Variants in ABCA13 observed in about 807,000 individuals in gnomAD.
ABCA13 encodes the protein ATP-binding cassette sub-family A member 13.
A neutral mutation model predicts 478.7 loss-of-function variants in ABCA13; 476 were observed. The ratio of observed to expected loss-of-function variants is 0.99; its 90% CI spans 0.92 to 1.07. The LOEUF is 1.07. Ranked by LOEUF, ABCA13 falls within the 50% of genes least tolerant of loss-of-function variation. The pLI, the probability that ABCA13 is intolerant of heterozygous loss-of-function variation, is 0.00. For synonymous variants in ABCA13, 2,252 were observed against 2,158.9 expected (o/e 1.04, Z -1.20); for missense variants, 6,060 against 5,910.6 (o/e 1.03, Z -0.83).
At chr7:48,533,437 T>C (rs1294102026) in intron 55 of ABCA13, among the ~76,000 whole-genome samples, 4 of 152,130 alleles carry the variant, frequency 2.6e-5, no homozygotes, top group Non-Finnish European at 5.9e-5. Context: ...TCTTGGAGAA[T>C]GTTCCATGTG....
At chr7:48,437,230 T>G (rs1822967938) in intron 42 of ABCA13, among the ~76,000 whole-genome samples, 1 of 152,042 alleles carries the variant, frequency 6.6e-6, no homozygotes, top group Non-Finnish European at 1.5e-5. Context: ...AATTGGTACG[T>G]CTTCTTAGTG....
At chr7:48,492,383 G>A (rs1829917120) in intron 48 of ABCA13, among the ~76,000 whole-genome samples, 1 of 152,308 alleles carries the variant, frequency 6.6e-6, no homozygotes, top group East Asian at 1.9e-4. Context: ...CCTGCAGGAT[G>A]AGTTAGTGGC....
intron 3 of ABCA13, among the ~76,000 whole-genome samples, chr7:48,212,867 A>C (rs897927471): frequency 1.3e-5 from 2 of 152,152 alleles, no homozygotes; most frequent in Admixed American, 6.5e-5. Flanking sequence ...CATGTATTGC[A>C]AATATTATTT....
chr7:48,262,073 A>G (rs1009780187), intron 15 of ABCA13, among the ~76,000 whole-genome samples: 1 of 152,006 alleles, frequency 6.6e-6, no homozygotes, highest in Non-Finnish European at 1.5e-5. Flanking sequence ...ATGGAAAGGA[A>G]TAGACCTGAC....
chr7:48,574,360 T>C (rs2131336198), intron 55 of ABCA13, among the ~76,000 whole-genome samples: 1 of 152,292 alleles, frequency 6.6e-6, no homozygotes, highest in South Asian at 2.1e-4. Context: ...TGGCCCTGAC[T>C]GAAAGCCACG....
At chr7:48,384,442 C>G (rs1051528908) in intron 35 of ABCA13, among the ~76,000 whole-genome samples, 3 of 152,234 alleles carry the variant, frequency 2.0e-5, no homozygotes, top group African/African-American at 7.2e-5. Flanking sequence ...CTGGAGCCAT[C>G]AGCTGCGCGT....
intron 35 of ABCA13, among the ~76,000 whole-genome samples, chr7:48,377,954 G>T (rs1813760449): frequency 6.6e-6 from 1 of 152,196 alleles, no homozygotes; most frequent in Non-Finnish European, 1.5e-5. Context: ...TGTGTCCCGG[G>T]ACCCAGAATG....
chr7:48,226,295 C>T (rs1457537973), intron 5 of ABCA13, among the ~76,000 whole-genome samples: 1 of 152,114 alleles, frequency 6.6e-6, no homozygotes, highest in East Asian at 1.9e-4. Context: ...TGCCGAAAAG[C>T]ATGGTAGTGT....
At chr7:48,204,471 A>G (rs1336984019) in intron 3 of ABCA13, among the ~76,000 whole-genome samples, 3 of 152,086 alleles carry the variant, frequency 2.0e-5, no homozygotes, top group African/African-American at 7.2e-5. Flanking sequence ...TTGGCCTCCC[A>G]AAGTGCTGGG....
At chr7:48,509,162 A>G (rs1831465008) in intron 50 of ABCA13, among the ~76,000 whole-genome samples, 1 of 152,154 alleles carries the variant, frequency 6.6e-6, no homozygotes, top group Non-Finnish European at 1.5e-5. Flanking sequence ...ATGAATCTTA[A>G]CCAAGATTGA....
chr7:48,198,451 G>T lies in ABCA13; in HGVS notation c.287+91G>T, dbSNP rs1434581234. On this transcript the variant is annotated intron_variant, in intron 3 of 61. Transcript: ENST00000435803. ...TTTTTGTAAAGCCTCAATAATTTGG[G>T]ATAGGTCAGAGATCATGAGAAGTAT... The T allele has an allele frequency of 6.2e-6, 9 of 1,461,398 alleles. No individual in the cohort carries two copies. The East Asian group carries it at 2.1e-4, about 34-fold the overall frequency. 90.5% of individuals were successfully genotyped at this position (1,461,398 alleles called of 1,614,324 possible).
At chr7:48,422,167 T>C (rs1417207559) in intron 41 of ABCA13, among the ~76,000 whole-genome samples, 1 of 152,010 alleles carries the variant, frequency 6.6e-6, no homozygotes, top group East Asian at 1.9e-4. Flanking sequence ...TCCCTTTTTC[T>C]TTCATGTGAC....
At chr7:48,393,256 GC>G (rs1816337407) in intron 38 of ABCA13, among the ~76,000 whole-genome samples, 1 of 152,218 alleles carries the variant, frequency 6.6e-6, no homozygotes, top group South Asian at 2.1e-4. Flanking sequence ...CATCGATTCA[GC>G]AAACAGTGGT....
At chr7:48,640,612 G>A (rs1307453073) in intron 59 of ABCA13, among the ~76,000 whole-genome samples, 2 of 152,104 alleles carry the variant, frequency 1.3e-5, no homozygotes, top group Non-Finnish European at 2.9e-5. Flanking sequence ...AGATCAATGA[G>A]TGAACATAGA....
chr7:48,499,820 A>G (rs1830586856), intron 48 of ABCA13, among the ~76,000 whole-genome samples: 1 of 152,140 alleles, frequency 6.6e-6, no homozygotes. Context: ...GGAGCCTTGG[A>G]CCTTTTACCA....
intron 20 of ABCA13, among the ~76,000 whole-genome samples, chr7:48,295,316 T>C (rs751024403): frequency 2.6e-5 from 4 of 152,228 alleles, no homozygotes; most frequent in Non-Finnish European, 4.4e-5. Flanking sequence ...TGTTTGCCAT[T>C]TTGATGTCTT....
intron 59 of ABCA13, chr7:48,626,826 G>A: frequency 1.0e-6 from 1 of 985,556 alleles, no homozygotes; most frequent in East Asian, 1.1e-4. Flanking sequence ...TGGGTGTTGA[G>A]TATGTTCCTA....
At chr7:48,213,871 A>G (rs1316037535) in intron 3 of ABCA13, among the ~76,000 whole-genome samples, 2 of 152,208 alleles carry the variant, frequency 1.3e-5, no homozygotes, top group Non-Finnish European at 2.9e-5. Flanking sequence ...CATTAGTTTT[A>G]TTATGAGATT....
At chr7:48,416,588 G>A (rs1003768103) in intron 41 of ABCA13, among the ~76,000 whole-genome samples, 1 of 152,102 alleles carries the variant, frequency 6.6e-6, no homozygotes. Flanking sequence ...ACAGACAGAC[G>A]ACATTTGTTC....
Sources: allele counts gnomAD v4.1 joint callset (sites outside exome capture counted in the v4.1 genomes callset), GRCh38; gene constraint gnomAD v4.1.1; transcripts MANE v1.5; gene names NCBI Gene and HGNC (gene_info 2026-07-23, HGNC 2026-07-21).